Variants in PTGFR observed in about 807,000 individuals in gnomAD.
PTGFR encodes the protein prostaglandin F receptor, also known as prostaglandin F2-alpha receptor.
Under a neutral mutation model 26.2 loss-of-function variants are expected in PTGFR, and 15 were observed. The ratio of observed to expected loss-of-function variants is 0.57; its 90% CI spans 0.38 to 0.88. The LOEUF (loss-of-function observed/expected upper bound fraction) is 0.88, where lower values mean the gene tolerates loss of function less well. PTGFR is among the 40% of genes least tolerant of loss of function. PTGFR has a pLI of 0.00. For missense variants in PTGFR, 369 were observed against 427.2 expected (o/e 0.86, Z 1.20); for synonymous variants, 165 against 151.1 (o/e 1.09, Z -0.68).
At chr1:78,498,927 G>A (rs1649628020) in intron 2 of PTGFR, among the ~76,000 whole-genome samples, 1 of 152,170 alleles carries the variant, frequency 6.6e-6, no homozygotes, top group Non-Finnish European at 1.5e-5. Flanking sequence ...TGACAACTGG[G>A]TTCTACTTCT....
chr1:78,503,557 A>G (rs1649758733), intron 2 of PTGFR, among the ~76,000 whole-genome samples: 1 of 152,186 alleles, frequency 6.6e-6, no homozygotes, highest in African/African-American at 2.4e-5. Context: ...GGTGGAGGGT[A>G]AAGGATAGAG....
Position 78,538,876 on chromosome 1 carries a change from C to T in PTGFR, c.*2189C>T, listed in dbSNP as rs1292434377. 4 of 151,820 alleles carry T rather than the reference C, an allele frequency of 2.6e-5. No homozygotes were observed. Among genetic ancestry groups the T allele is most frequent in the Non-Finnish European group, 5.9e-5 (4 of 67,920 alleles). The allele number at this position is 151,820 out of a possible 1,614,324, so 9.4% of individuals were successfully genotyped here. On this transcript the variant is annotated 3_prime_UTR_variant, in exon 3 of 3. Coordinates refer to ENST00000370757, the MANE Select transcript of PTGFR (RefSeq NM_000959.4). Reference sequence around the variant, plus strand: ...CTAATCTTCAGAATTACTGAATTTCCTTTTGAACTGGGTAAGGCATTATCC... The same window carrying T: ...CTAATCTTCAGAATTACTGAATTTCTTTTTGAACTGGGTAAGGCATTATCC...
At chr1:78,520,469 TG>T (rs1187846721) in intron 2 of PTGFR, among the ~76,000 whole-genome samples, 2 of 151,996 alleles carry the variant, frequency 1.3e-5, no homozygotes, top group Non-Finnish European at 2.9e-5. Flanking sequence ...ATTTATACAC[TG>T]GAAAGAGAAT....
At chr1:78,511,968 A>T (rs1649982182) in intron 2 of PTGFR, among the ~76,000 whole-genome samples, 2 of 152,224 alleles carry the variant, frequency 1.3e-5, no homozygotes, top group South Asian at 4.1e-4. Flanking sequence ...ACATGAATAC[A>T]ATACAGACAA....
chr1:78,500,580 C>A (rs1212908870), intron 2 of PTGFR, among the ~76,000 whole-genome samples: 1 of 152,202 alleles, frequency 6.6e-6, no homozygotes, highest in Non-Finnish European at 1.5e-5. Context: ...CTTGCAACTG[C>A]CTTGCAGCTC....
At chr1:78,535,636 T>G (rs1650626434) in intron 2 of PTGFR, among the ~76,000 whole-genome samples, 1 of 152,142 alleles carries the variant, frequency 6.6e-6, no homozygotes, top group Admixed American at 6.6e-5. Context: ...TGTTTGGAAG[T>G]CAAAGCTGGG....
chr1:78,518,170 G>A (rs1650137255), intron 2 of PTGFR, among the ~76,000 whole-genome samples: 1 of 151,872 alleles, frequency 6.6e-6, no homozygotes, highest in Non-Finnish European at 1.5e-5. Context: ...TTTCCTTATG[G>A]CTTAAAACAC....
chr1:78,536,115 A>T (rs969808756), intron 2 of PTGFR, among the ~76,000 whole-genome samples: 6 of 152,190 alleles, frequency 3.9e-5, no homozygotes, highest in African/African-American at 1.4e-4. Flanking sequence ...AAGTATGAGA[A>T]GGTCAGTTAC....
chr1:78,506,586 A>AT (rs1372150510), intron 2 of PTGFR, among the ~76,000 whole-genome samples: 9 of 151,846 alleles, frequency 5.9e-5, no homozygotes, highest in African/African-American at 1.2e-4. Context: ...GGTTTGTTTG[A>AT]TTTTTTTACC....
intron 2 of PTGFR, among the ~76,000 whole-genome samples, chr1:78,508,441 C>T (rs577191947): frequency 1.3e-5 from 2 of 152,280 alleles, no homozygotes; most frequent in Admixed American, 1.3e-4. Flanking sequence ...AGGCACTGCC[C>T]TCTTTTGAAT....
At chr1:78,504,480 T>C (rs917281859) in intron 2 of PTGFR, among the ~76,000 whole-genome samples, 7 of 152,250 alleles carry the variant, frequency 4.6e-5, no homozygotes, top group African/African-American at 1.7e-4. Context: ...TTCTGATATA[T>C]AAAAATACTT....
chr1:78,523,358 C>G (rs1342255105), intron 2 of PTGFR, among the ~76,000 whole-genome samples: 1 of 152,010 alleles, frequency 6.6e-6, no homozygotes, highest in African/African-American at 2.4e-5. Context: ...ATCTCATTTA[C>G]TTTTAAAGAC....
chr1:78,515,293 C>T (rs891545168), intron 2 of PTGFR, among the ~76,000 whole-genome samples: 2 of 152,004 alleles, frequency 1.3e-5, no homozygotes, highest in East Asian at 1.9e-4. Flanking sequence ...TACCACCCAA[C>T]CTGAAGAGGG....
chr1:78,523,884 T>G (rs1349215210), intron 2 of PTGFR, among the ~76,000 whole-genome samples: 2 of 152,070 alleles, frequency 1.3e-5, no homozygotes, highest in Non-Finnish European at 2.9e-5. Context: ...GTTTAAATGT[T>G]GAATGATACA....
chr1:78,523,296 C>G (rs1182721614), intron 2 of PTGFR, among the ~76,000 whole-genome samples: 1 of 152,066 alleles, frequency 6.6e-6, no homozygotes, highest in African/African-American at 2.4e-5. Context: ...CCCAAATTGT[C>G]CTACAGAAAG....
intron 2 of PTGFR, among the ~76,000 whole-genome samples, chr1:78,495,362 A>T (rs960851414): frequency 3.3e-5 from 5 of 152,232 alleles, no homozygotes; most frequent in African/African-American, 7.2e-5. Context: ...GACTAAAGAA[A>T]TTTCCCGAGT....
intron 2 of PTGFR, among the ~76,000 whole-genome samples, chr1:78,512,769 T>C (rs1650003940): frequency 6.6e-6 from 1 of 152,132 alleles, no homozygotes; most frequent in Non-Finnish European, 1.5e-5. Context: ...GGTGACAGAA[T>C]CATGGAGGCA....
intron 2 of PTGFR, among the ~76,000 whole-genome samples, chr1:78,520,041 T>G (rs1650185506): frequency 6.6e-6 from 1 of 152,158 alleles, no homozygotes; most frequent in Admixed American, 6.6e-5. Flanking sequence ...ACTTCCTTTC[T>G]TTTCATGCTG....
At chr1:78,511,215 C>T (rs1649960808) in intron 2 of PTGFR, among the ~76,000 whole-genome samples, 1 of 152,180 alleles carries the variant, frequency 6.6e-6, no homozygotes, top group African/African-American at 2.4e-5. Flanking sequence ...TATGGGGGCT[C>T]CAACCCAAAA....
Sources: allele counts gnomAD v4.1 joint callset (sites outside exome capture counted in the v4.1 genomes callset), GRCh38; gene constraint gnomAD v4.1.1; transcripts MANE v1.5; gene names NCBI Gene and HGNC (gene_info 2026-07-23, HGNC 2026-07-21).